MAGI2: variants seen among roughly 807,000 people sequenced by gnomAD.
MAGI2 encodes the protein membrane-associated guanylate kinase, WW and PDZ domain-containing protein 2.
Under a neutral mutation model 133.3 loss-of-function variants are expected in MAGI2, and 35 were observed. That is an observed-to-expected ratio of 0.26 (90% confidence interval 0.20 to 0.35). The LOEUF (loss-of-function observed/expected upper bound fraction) is 0.35, where lower values mean the gene tolerates loss of function less well. MAGI2 is among the 10% of genes least tolerant of loss of function. The probability of loss-of-function intolerance (pLI) is 1.00; values close to 1 mark genes in which losing one functional copy is unlikely to be tolerated. For missense variants in MAGI2, 1,636 were observed against 1,863.4 expected, an observed-to-expected ratio of 0.88 and a Z score of 2.25; for synonymous variants, 729 against 710.6, an observed-to-expected ratio of 1.03 and a Z score of -0.41.
chr7:78,521,562 T>C lies in MAGI2; in HGVS notation c.622A>G (p.Thr208Ala). The change falls in exon 4 of 22, where the codon ACT becomes GCT. Residue 208 changes from threonine (T) to alanine (A), a missense_variant. Physicochemically the swap from Thr to Ala is moderately conservative, Grantham distance 58. This residue lies in a region of MAGI2 where 165 missense variants were observed against 128.4 expected (regional missense o/e 1.28). Transcript: ENST00000354212. ...TTCCGTTTTCCTTCAGCACTTGGAG[T>C]GGCTCCTGGAAGTATCTGGTCTGTT... ...NVTDQILPGATPSAEGKRKRN... is the reference protein window; with the variant it reads ...NVTDQILPGAAPSAEGKRKRN... The C allele has an allele frequency of 6.2e-7, 1 of 1,614,098 alleles. No individual in the cohort carries two copies. Among genetic ancestry groups the C allele is most frequent in the Non-Finnish European group, 8.5e-7 (1 of 1,180,016 alleles).
chr7:78,175,421 C>A (rs1398305576), intron 14 of MAGI2, among the ~76,000 whole-genome samples: 1 of 152,108 alleles, frequency 6.6e-6, no homozygotes, highest in African/African-American at 2.4e-5. Context: ...TGAGTGGAGA[C>A]TCCATCTGTC....
intron 1 of MAGI2, among the ~76,000 whole-genome samples, chr7:79,382,228 G>GA (rs35251621): frequency 6.6e-6 from 1 of 151,280 alleles, no homozygotes; most frequent in South Asian, 2.1e-4. Context: ...GTTTCACTGG[G>GA]AAAAAAAGAG....
chr7:78,134,956 GA>G, intron 17 of MAGI2, 64 bp downstream of exon 17: 1 of 1,457,454 alleles, frequency 6.9e-7, no homozygotes, highest in South Asian at 1.2e-5. Flanking sequence ...CGGGCAGGCT[GA>G]GAACACCCGG....
At chr7:79,081,289 G>C (rs564644370) in intron 1 of MAGI2, among the ~76,000 whole-genome samples, 7 of 152,104 alleles carry the variant, frequency 4.6e-5, no homozygotes, top group Admixed American at 1.3e-4. Flanking sequence ...CCCATGGCAC[G>C]CAAGAATTCA....
chr7:79,342,055 C>T (rs981141582), intron 1 of MAGI2, among the ~76,000 whole-genome samples: 2 of 152,128 alleles, frequency 1.3e-5, no homozygotes, highest in Non-Finnish European at 2.9e-5. Flanking sequence ...TGTACTGTAA[C>T]GGAGGCTGAT....
intron 4 of MAGI2, among the ~76,000 whole-genome samples, chr7:78,516,215 C>T (rs1047314350): frequency 2.6e-5 from 4 of 152,134 alleles, no homozygotes; most frequent in East Asian, 1.9e-4. Context: ...AGTTTATATA[C>T]GGGATTAATG....
intron 14 of MAGI2, among the ~76,000 whole-genome samples, chr7:78,173,884 A>T (rs1039338971): frequency 6.6e-6 from 1 of 152,202 alleles, no homozygotes; most frequent in African/African-American, 2.4e-5. Context: ...GTCATGGAGA[A>T]AGGCAAGCTC....
intron 2 of MAGI2, among the ~76,000 whole-genome samples, chr7:78,825,463 T>C (rs770048002): frequency 6.6e-6 from 1 of 152,220 alleles, no homozygotes; most frequent in Non-Finnish European, 1.5e-5. Context: ...AGTGATTTTG[T>C]AGTACGTTTT....
Position 78,899,504 on chromosome 7 carries a change from T to C in MAGI2, c.418+107586A>G, listed in dbSNP as rs76962329. 7.0e-3 allele frequency among the ~76,000 whole-genome samples: 1,072 copies of C among 152,280 alleles called. 12 individuals carry two copies. Among genetic ancestry groups the C allele is most frequent in the African/African-American group, 0.025 (1,026 of 41,564 alleles). ...ACCTTGGCTATCTGCCAGCTAAGTA[T>C]GTATAGCCTTCATAAGCTTTAGTTT... On this transcript the variant is annotated intron_variant, in intron 2 of 21. Coordinates refer to ENST00000354212, the MANE Select transcript of MAGI2 (RefSeq NM_012301.4).
intron 2 of MAGI2, among the ~76,000 whole-genome samples, chr7:78,700,066 T>C (rs1222959589): frequency 6.6e-6 from 1 of 152,146 alleles, no homozygotes; most frequent in Admixed American, 6.5e-5. Flanking sequence ...CTATAAATTG[T>C]TTTCTCATAC....
At chr7:78,803,268 G>C (rs892840437) in intron 2 of MAGI2, among the ~76,000 whole-genome samples, 1 of 151,974 alleles carries the variant, frequency 6.6e-6, no homozygotes, top group African/African-American at 2.4e-5. Flanking sequence ...AGCAAGTCAG[G>C]AAAAGAGTAT....
At chr7:78,389,574 A>G (rs1795711677) in intron 6 of MAGI2, among the ~76,000 whole-genome samples, 1 of 152,216 alleles carries the variant, frequency 6.6e-6, no homozygotes, top group East Asian at 1.9e-4. Context: ...GAGCAACCCT[A>G]GACAGATATT....
At chr7:78,218,528 ATT>A (rs983765504) in intron 10 of MAGI2, among the ~76,000 whole-genome samples, 2 of 152,200 alleles carry the variant, frequency 1.3e-5, no homozygotes, top group East Asian at 3.8e-4. Flanking sequence ...ATACCACAAT[ATT>A]TTTCAGCTGA....
intron 2 of MAGI2, among the ~76,000 whole-genome samples, chr7:78,749,056 G>A (rs1337269216): frequency 6.6e-6 from 1 of 152,176 alleles, no homozygotes; most frequent in Non-Finnish European, 1.5e-5. Context: ...GATAAGAAAT[G>A]CACATAAATA....
intron 2 of MAGI2, among the ~76,000 whole-genome samples, chr7:78,977,293 A>G (rs1255900449): frequency 6.6e-6 from 1 of 151,504 alleles, no homozygotes; most frequent in Non-Finnish European, 1.5e-5. Context: ...AAATGAGGTC[A>G]ACTGATTCTG....
chr7:78,695,725 A>G (rs926155795), intron 2 of MAGI2, among the ~76,000 whole-genome samples: 6 of 152,186 alleles, frequency 3.9e-5, no homozygotes, highest in Non-Finnish European at 1.5e-5. Context: ...AGTGGGGGGA[A>G]AAATTCCACC....
chr7:78,975,288 T>A (rs1016198198), intron 2 of MAGI2, among the ~76,000 whole-genome samples: 1 of 151,718 alleles, frequency 6.6e-6, no homozygotes, highest in Admixed American at 6.6e-5. Flanking sequence ...GGCTATAAAA[T>A]GCACTTTAAT....
At chr7:78,968,481 T>C (rs1200685455) in intron 2 of MAGI2, among the ~76,000 whole-genome samples, 1 of 151,932 alleles carries the variant, frequency 6.6e-6, no homozygotes, top group Admixed American at 6.6e-5. Flanking sequence ...GTTAAGTTTA[T>C]TTCTAAGTAT....
In MAGI2 at chr7:78,829,440, CAATT is replaced by C. The variant is rs551834657; in HGVS notation, c.418+177646_418+177649del. Among the ~76,000 whole-genome samples, 127 of 151,880 alleles carry C rather than the reference CAATT, an allele frequency of 8.4e-4. 1 individual carries two copies. Among genetic ancestry groups the C allele is most frequent in the African/African-American group, 3.0e-3 (124 of 41,450 alleles). On this transcript the variant is annotated intron_variant, in intron 2 of 21. Coordinates refer to ENST00000354212, the MANE Select transcript of MAGI2 (RefSeq NM_012301.4). ...CTCAATCAAAGATTTTTTCATGGCTCAATTAAAGAGCACTGGTAGGATGCAAAAT... is the reference window on the plus strand; with the variant it reads ...CTCAATCAAAGATTTTTTCATGGCTCAAAGAGCACTGGTAGGATGCAAAAT...
Sources: gnomAD v4.1 joint callset for allele counts (sites outside exome capture counted in the v4.1 genomes callset) on GRCh38, gnomAD v4.1.1 for gene constraint, gnomAD v4.1.1 regional missense constraint, MANE v1.5 for transcripts, NCBI Gene and HGNC (gene_info 2026-07-23, HGNC 2026-07-21) for gene names.